Variants in SLC25A33 observed in about 807,000 individuals in gnomAD.
SLC25A33 encodes the protein bone marrow stromal cell mitochondrial carrier protein.
A neutral mutation model predicts 35.5 loss-of-function variants in SLC25A33; 15 were observed. That is an observed-to-expected ratio of 0.42 (90% confidence interval 0.28 to 0.65). SLC25A33 has a LOEUF of 0.65. Ranked by LOEUF, SLC25A33 falls within the 30% of genes least tolerant of loss-of-function variation. SLC25A33 has a pLI of 0.20. For missense variants in SLC25A33, 257 were observed against 398.5 expected (o/e 0.64, Z 3.02); for synonymous variants, 136 against 148.7 (o/e 0.91, Z 0.62).
At chr1:9,575,039 C>T (rs1223135347) in intron 5 of SLC25A33, among the ~76,000 whole-genome samples, 1 of 151,614 alleles carries the variant, frequency 6.6e-6, no homozygotes, top group East Asian at 1.9e-4. Context: ...CGGTGAAACC[C>T]TGTCTCTACT....
chr1:9,552,910 C>CA (rs1643286026), intron 1 of SLC25A33, among the ~76,000 whole-genome samples: 3 of 94,174 alleles, frequency 3.2e-5, no homozygotes, highest in Non-Finnish European at 2.0e-5. Context: ...GGGATTTCAA[C>CA]TTTTTTTTTT....
rs1256215510 is a variant in SLC25A33, at chr1:9,539,699, C to G, written c.8C>G (p.Thr3Arg). 18 of 1,390,500 alleles carry G rather than the reference C, an allele frequency of 1.3e-5. No individual in the cohort carries two copies. Among genetic ancestry groups the G allele is most frequent in the Non-Finnish European group, 1.7e-5 (18 of 1,071,182 alleles). 86.1% of individuals were successfully genotyped at this position (1,390,500 alleles called of 1,614,324 possible). The change falls in exon 1 of 7, where the codon ACG (threonine) becomes AGG (arginine). Residue 3 changes from threonine (T) to arginine (R), a missense_variant. Physicochemically the swap from Thr to Arg is moderately conservative, Grantham distance 71. Transcript: ENST00000302692. ...CGCGGAGCCGGCGCGGCCATGGCGA[C>G]GGGCGGCCAGCAGAAGGAGAACACG... is the stretch of plus-strand genomic sequence containing the variant. The part of the protein sequence containing the change: MA[T>R]GGQQKENTLL...
At chr1:9,557,528 A>G (rs916363089) in intron 2 of SLC25A33, among the ~76,000 whole-genome samples, 6 of 151,932 alleles carry the variant, frequency 3.9e-5, no homozygotes, top group East Asian at 2.0e-4. Context: ...GCGAAATCCC[A>G]TCTCTACAAA....
chr1:9,576,927 A>G, intron 5 of SLC25A33: 1 of 1,300,236 alleles, frequency 7.7e-7, no homozygotes, highest in Admixed American at 1.7e-5. Context: ...GATATCAGGA[A>G]GTTTGGGGAT....
chr1:9,579,919 C>A, intron 5 of SLC25A33, 35 bp from the exon 6 acceptor site: 1 of 1,591,446 alleles, frequency 6.3e-7, no homozygotes, highest in Non-Finnish European at 8.5e-7. Context: ...CATGATATGT[C>A]TCCTTAACAG....
chr1:9,541,687 AT>A lies in SLC25A33; in HGVS notation c.56+1951del, dbSNP rs752384884. ...CTTGGGAATTTTAAACAACTTGGCC[AT>A]TTTTTTTTTTGTCTCACACGTTTTT... is the stretch of plus-strand genomic sequence containing the variant. On this transcript the variant is annotated intron_variant, in intron 1 of 6. Transcript: ENST00000302692. Among the ~76,000 whole-genome samples, 274 of 138,302 alleles carry A rather than the reference AT, an allele frequency of 2.0e-3. 2 individuals carry two copies. Among genetic ancestry groups the A allele is most frequent in the African/African-American group, 3.1e-3 (119 of 37,806 alleles). The allele number at this position is 138,302 out of a possible 152,430, so 90.7% of individuals were successfully genotyped here.
At position 9,549,664 on chromosome 1, in the gene SLC25A33, A is replaced by G. The variant is rs117936043; in HGVS notation, c.57-3962A>G. 5.2e-3 allele frequency among the ~76,000 whole-genome samples: 756 copies of G among 146,776 alleles called. 21 individuals are homozygous for G. The highest frequency in any genetic ancestry group is 0.034 in the Admixed American group (494 of 14,422). ...GATACAGAGTCTTGCTCTGTCGCTC[A>G]GGCTGGAGTGCAGTTATGCGAGATC... is the stretch of plus-strand genomic sequence containing the variant. On this transcript the variant is annotated intron_variant, in intron 1 of 6. Transcript: ENST00000302692.
chr1:9,564,765 T>TATATATATATATATATACAC (rs59741987), intron 2 of SLC25A33, among the ~76,000 whole-genome samples: 35 of 114,784 alleles, frequency 3.0e-4, no homozygotes, highest in Non-Finnish European at 4.6e-4. Context: ...TATATATATA[T>TATATATATATATATATACAC]ACACAAAAAT....
chr1:9,549,936 A>T (rs1164552727), intron 1 of SLC25A33, among the ~76,000 whole-genome samples: 1 of 135,146 alleles, frequency 7.4e-6, no homozygotes, highest in Non-Finnish European at 1.6e-5. Context: ...ATATATATAT[A>T]TTTCTATATA....
intron 3 of SLC25A33, among the ~76,000 whole-genome samples, chr1:9,568,918 GCTTATAGAATT>G (rs1358516600): frequency 6.6e-6 from 1 of 151,684 alleles, no homozygotes; most frequent in Non-Finnish European, 1.5e-5. Context: ...AAGACCAAAA[GCTTATAGAATT>G]CTTCCAGATC....
chr1:9,556,904 C>T (rs1643352277), intron 2 of SLC25A33, among the ~76,000 whole-genome samples: 1 of 152,140 alleles, frequency 6.6e-6, no homozygotes, highest in Non-Finnish European at 1.5e-5. Context: ...CAATAATGAG[C>T]CATCACTTAT....
chr1:9,570,377 T>C lies in SLC25A33; in HGVS notation c.415+19T>C. ...TCTGCAGGTATGTTACCCTAGTGAG[T>C]GAAGAGAGGGTCTCTCTCTCACTTT... On this transcript the variant is annotated intron_variant, in intron 4 of 6. Coordinates refer to ENST00000302692, the MANE Select transcript of SLC25A33 (RefSeq NM_032315.3). 1.3e-6 allele frequency: 2 copies of C among 1,588,496 alleles called. No homozygotes were observed. The highest frequency in any genetic ancestry group is 1.7e-6 in the Non-Finnish European group (2 of 1,158,016).
intron 1 of SLC25A33, among the ~76,000 whole-genome samples, chr1:9,549,471 T>A (rs1643230535): frequency 1.1e-5 from 1 of 91,962 alleles, no homozygotes; most frequent in Non-Finnish European, 2.0e-5. Flanking sequence ...GCTGATGGGA[T>A]CAATGGCGGG....
intron 1 of SLC25A33, among the ~76,000 whole-genome samples, chr1:9,541,593 G>C (rs1428976239): frequency 6.6e-6 from 1 of 151,554 alleles, no homozygotes; most frequent in African/African-American, 2.4e-5. Context: ...GCCCGGCAGA[G>C]ACTTCCTTTC....
chr1:9,573,531 T>A (rs538173093), intron 5 of SLC25A33, 119 bp downstream of exon 5: 2 of 788,744 alleles, frequency 2.5e-6, no homozygotes, highest in South Asian at 3.4e-5. Context: ...CTCGTTTCCT[T>A]AATCTAAGTG....
intron 5 of SLC25A33, among the ~76,000 whole-genome samples, chr1:9,575,383 G>A (rs1268277152): frequency 3.9e-5 from 6 of 151,952 alleles, no homozygotes; most frequent in South Asian, 2.1e-4. Flanking sequence ...TTGGGAGGCC[G>A]AGGCGGGTGG....
At chr1:9,555,053 T>C (rs1228628380) in intron 2 of SLC25A33, among the ~76,000 whole-genome samples, 1 of 152,020 alleles carries the variant, frequency 6.6e-6, no homozygotes, top group Non-Finnish European at 1.5e-5. Flanking sequence ...TTGGGAAATG[T>C]TAGAAAAAGA....
At chr1:9,543,206 C>T (rs1466739560) in intron 1 of SLC25A33, among the ~76,000 whole-genome samples, 1 of 151,828 alleles carries the variant, frequency 6.6e-6, no homozygotes, top group Non-Finnish European at 1.5e-5. Context: ...TGCAGTGGTG[C>T]GATCTCAGCT....
Position 9,539,638 on chromosome 1 carries a change from G to T in SLC25A33, c.-54G>T. 4 of 1,298,946 alleles carry T rather than the reference G, an allele frequency of 3.1e-6. No homozygotes were observed. Among genetic ancestry groups the T allele is most frequent in the Non-Finnish European group, 3.9e-6 (4 of 1,020,884 alleles). 80.5% of individuals were successfully genotyped at this position (1,298,946 alleles called of 1,614,324 possible). A position where few individuals can be genotyped will look rare whatever the true frequency, so the allele number is the denominator to read the frequency against. On this transcript the variant is annotated 5_prime_UTR_variant, in exon 1 of 7. Transcript: ENST00000302692. Reference sequence around the variant, plus strand: ...CCCGGCGACCTCGCGCATCCCTCGAGCCGCCACGCGCTCTCGCCACCGGGC... The same window carrying T: ...CCCGGCGACCTCGCGCATCCCTCGATCCGCCACGCGCTCTCGCCACCGGGC...
Sources: gnomAD v4.1 joint callset for allele counts (sites outside exome capture counted in the v4.1 genomes callset) on GRCh38, gnomAD v4.1.1 for gene constraint, MANE v1.5 for transcripts, NCBI Gene and HGNC (gene_info 2026-07-23, HGNC 2026-07-21) for gene names.